DNM3: variants seen among roughly 807,000 people sequenced by gnomAD.
DNM3 encodes dynamin 3, also known as dynamin-3.
In DNM3, 47 loss-of-function variants were observed where a neutral mutation model predicts 101.6. That is an observed-to-expected ratio of 0.46 (90% confidence interval 0.37 to 0.59). The LOEUF is 0.59. Ranked by LOEUF, DNM3 falls within the 20% of genes least tolerant of loss-of-function variation. The pLI is 0.00. For synonymous variants in DNM3, 385 were observed against 387.9 expected, an observed-to-expected ratio of 0.99 and a Z score of 0.09; for missense variants, 849 against 1,085.7, an observed-to-expected ratio of 0.78 and a Z score of 3.06.
chr1:172,326,277 T>C (rs984702146), intron 17 of DNM3, among the ~76,000 whole-genome samples: 1 of 152,122 alleles, frequency 6.6e-6, no homozygotes, highest in African/African-American at 2.4e-5. Context: ...TACTTATTTT[T>C]CCCTTTGAAA....
At chr1:172,377,448 C>A (rs1051416204) in intron 17 of DNM3, among the ~76,000 whole-genome samples, 10 of 150,822 alleles carry the variant, frequency 6.6e-5, no homozygotes, top group African/African-American at 2.4e-4. Flanking sequence ...ATCAGAGAGA[C>A]AAATGGAATT....
downstream of DNM3, among the ~76,000 whole-genome samples, chr1:172,415,965 C>T (rs187655873): frequency 7.2e-5 from 11 of 152,260 alleles, no homozygotes; most frequent in Admixed American, 6.5e-5. Flanking sequence ...ATTCATCATT[C>T]TTGTTAATAA....
At chr1:172,178,655 G>A (rs995484755) in intron 14 of DNM3, among the ~76,000 whole-genome samples, 1 of 151,786 alleles carries the variant, frequency 6.6e-6, no homozygotes, top group Non-Finnish European at 1.5e-5. Context: ...CAGCAAGAGA[G>A]CAAAACAGAG....
chr1:172,189,390 T>C (rs1002467668), intron 14 of DNM3, among the ~76,000 whole-genome samples: 2 of 152,112 alleles, frequency 1.3e-5, no homozygotes, highest in African/African-American at 2.4e-5. Flanking sequence ...ATCTACAAGA[T>C]AACTTGCTAT....
chr1:171,910,269 T>C (rs745819622), intron 1 of DNM3, among the ~76,000 whole-genome samples: 2 of 152,242 alleles, frequency 1.3e-5, no homozygotes, highest in Non-Finnish European at 2.9e-5. Context: ...CCATGGTCAA[T>C]TGCGGTCTGA....
chr1:171,920,203 A>G (rs1386486021), intron 1 of DNM3, among the ~76,000 whole-genome samples: 1 of 152,152 alleles, frequency 6.6e-6, no homozygotes, highest in Non-Finnish European at 1.5e-5. Context: ...TCCATTCCAA[A>G]CTATCAGTGC....
chr1:172,368,155 A>G (rs2068125787), intron 17 of DNM3, among the ~76,000 whole-genome samples: 2 of 151,962 alleles, frequency 1.3e-5, no homozygotes, highest in African/African-American at 4.8e-5. Context: ...CATTCTATGC[A>G]ATAGCTACAG....
intron 1 of DNM3, among the ~76,000 whole-genome samples, chr1:171,911,534 C>T (rs529275521): frequency 5.3e-5 from 8 of 152,268 alleles, no homozygotes; most frequent in Admixed American, 3.9e-4. Flanking sequence ...CCGCCCGCCT[C>T]GGCCTCCCGA....
At chr1:171,923,875 AT>A (rs2040362624) in intron 2 of DNM3, among the ~76,000 whole-genome samples, 1 of 151,896 alleles carries the variant, frequency 6.6e-6, no homozygotes, top group Admixed American at 6.6e-5. Flanking sequence ...TGTTTTTCCC[AT>A]CTTTATGTCC....
At chr1:172,354,548 A>G (rs1229294096) in intron 17 of DNM3, among the ~76,000 whole-genome samples, 2 of 152,162 alleles carry the variant, frequency 1.3e-5, no homozygotes, top group African/African-American at 4.8e-5. Context: ...TTATTATTCT[A>G]ACCTGTAATA....
intron 18 of DNM3, among the ~76,000 whole-genome samples, chr1:172,381,843 A>T (rs2149064125): frequency 6.6e-6 from 1 of 152,294 alleles, no homozygotes; most frequent in Non-Finnish European, 1.5e-5. Flanking sequence ...CAAAAAGCTA[A>T]TTGTTCCTCC....
At chr1:171,938,235 C>T (rs532728341) in intron 2 of DNM3, among the ~76,000 whole-genome samples, 10 of 152,234 alleles carry the variant, frequency 6.6e-5, no homozygotes, top group African/African-American at 1.9e-4. Context: ...CTTTCACTAT[C>T]AGAGGTTGAA....
At chr1:172,130,197 A>G (rs2056860757) in intron 13 of DNM3, among the ~76,000 whole-genome samples, 1 of 152,210 alleles carries the variant, frequency 6.6e-6, no homozygotes, top group Non-Finnish European at 1.5e-5. Flanking sequence ...TAATTTTTAA[A>G]CATTTCAGGA....
rs150776433 is a variant in DNM3, at chr1:172,294,238, C to T, written c.1770-14490C>T. ...AGAATATATTTCTTTTAAATGTGTC[C>T]CTCTTTTAATTGAAATGACTCATTC... On this transcript the variant is annotated intron_variant, in intron 15 of 20. Transcript: ENST00000627582. Among the ~76,000 whole-genome samples the T allele has an allele frequency of 2.3e-3, 357 of 152,094 alleles. 2 individuals carry two copies. Among genetic ancestry groups the T allele is most frequent in the African/African-American group, 8.2e-3 (340 of 41,492 alleles).
intron 1 of DNM3, among the ~76,000 whole-genome samples, chr1:171,914,384 C>T (rs1251161382): frequency 6.6e-6 from 1 of 151,964 alleles, no homozygotes; most frequent in Non-Finnish European, 1.5e-5. Flanking sequence ...CTTGAACTCC[C>T]AACCTCAGGT....
chr1:171,946,796 CAT>C (rs1347367251), intron 2 of DNM3, among the ~76,000 whole-genome samples: 1 of 152,090 alleles, frequency 6.6e-6, no homozygotes, highest in Middle Eastern at 3.2e-3. Flanking sequence ...ATGTGCAGAA[CAT>C]ATGTCAAGAC....
chr1:172,029,744 C>G (rs541909074), intron 4 of DNM3, among the ~76,000 whole-genome samples: 2 of 152,296 alleles, frequency 1.3e-5, no homozygotes, highest in African/African-American at 4.8e-5. Flanking sequence ...AAATCACAAG[C>G]ATTCCTATAC....
intron 10 of DNM3, among the ~76,000 whole-genome samples, chr1:172,063,652 G>A (rs1410889315): frequency 2.6e-5 from 4 of 151,434 alleles, no homozygotes; most frequent in Admixed American, 2.0e-4. Flanking sequence ...GGTGGTGGGC[G>A]CCTATAGTTC....
At chr1:172,119,320 T>C (rs1170257891) in intron 13 of DNM3, among the ~76,000 whole-genome samples, 1 of 152,090 alleles carries the variant, frequency 6.6e-6, no homozygotes, top group Non-Finnish European at 1.5e-5. Context: ...ATATTCTCTC[T>C]TCAGTAACCT....
Sources: allele counts gnomAD v4.1 joint callset (sites outside exome capture counted in the v4.1 genomes callset), GRCh38; gene constraint gnomAD v4.1.1; transcripts MANE v1.5; gene names NCBI Gene and HGNC (gene_info 2026-07-23, HGNC 2026-07-21).